The following CCDC186 variants were observed in gnomAD, a reference collection of about 807,000 sequenced individuals.
CCDC186 encodes the protein coiled-coil domain-containing protein 186.
A neutral mutation model predicts 113.7 loss-of-function variants in CCDC186; 49 were observed. That is an observed-to-expected ratio of 0.43 (90% CI 0.34 to 0.55). CCDC186 has a LOEUF of 0.55. Among genes scored for constraint, CCDC186 ranks in the 20% least tolerant of loss-of-function variants. The pLI is 0.02. For synonymous variants in CCDC186, 355 were observed against 345.8 expected, an observed-to-expected ratio of 1.03 and a Z score of -0.30; for missense variants, 890 against 1,011.1, an observed-to-expected ratio of 0.88 and a Z score of 1.62.
rs2030753909 is a variant in CCDC186, at chr10:114,122,386, T to C, written c.*2757A>G. Reference sequence around the variant, plus strand: ...GCCCAAACCTACCATTTTCAGTCCTTAAAACTAAACAGGCTAAAGTCTGAA... The same window carrying C: ...GCCCAAACCTACCATTTTCAGTCCTCAAAACTAAACAGGCTAAAGTCTGAA... On this transcript the variant is annotated 3_prime_UTR_variant, in exon 16 of 16. Transcript: ENST00000369287. 6.6e-6 allele frequency: 1 copy of C among 152,184 alleles called. No homozygotes were observed. Among genetic ancestry groups the C allele is most frequent in the Admixed American group, 6.5e-5 (1 of 15,280 alleles). 9.4% of individuals were successfully genotyped at this position (152,184 alleles called of 1,614,324 possible). A position where few individuals can be genotyped will look rare whatever the true frequency, so the allele number is the denominator to read the frequency against.
chr10:114,173,780 C>T (rs1341795429), intron 1 of CCDC186, among the ~76,000 whole-genome samples: 1 of 152,190 alleles, frequency 6.6e-6, no homozygotes, highest in Non-Finnish European at 1.5e-5. Context: ...TCCAAGGTCC[C>T]GGAACCGAAG....
intron 7 of CCDC186, among the ~76,000 whole-genome samples, chr10:114,136,889 C>T (rs753348345): frequency 2.9e-4 from 44 of 152,148 alleles, no homozygotes; most frequent in Non-Finnish European, 5.4e-4. Flanking sequence ...GAGACTGAGG[C>T]GGGTGGCTCC....
At chr10:114,136,739 AT>A (rs2031272941) in intron 7 of CCDC186, among the ~76,000 whole-genome samples, 1 of 152,236 alleles carries the variant, frequency 6.6e-6, no homozygotes, top group Non-Finnish European at 1.5e-5. Context: ...AACATTGGAA[AT>A]AACCTGCATT....
intron 6 of CCDC186, among the ~76,000 whole-genome samples, chr10:114,137,923 A>T (rs1347665822): frequency 4.0e-5 from 6 of 151,778 alleles, no homozygotes; most frequent in African/African-American, 1.5e-4. Context: ...GTAACCTCAG[A>T]TACTCAGGAA....
chr10:114,156,881 A>G (rs986098933), intron 3 of CCDC186, among the ~76,000 whole-genome samples: 2 of 152,204 alleles, frequency 1.3e-5, no homozygotes, highest in East Asian at 3.9e-4. Context: ...ATAAACTTAA[A>G]AACATCCTAA....
chr10:114,151,535 A>C (rs1419250687), intron 3 of CCDC186, among the ~76,000 whole-genome samples: 1 of 152,216 alleles, frequency 6.6e-6, no homozygotes, highest in Non-Finnish European at 1.5e-5. Flanking sequence ...CCCACAGTTC[A>C]AAAATATTAA....
chr10:114,161,407 T>A (rs931543926), intron 2 of CCDC186, among the ~76,000 whole-genome samples: 2 of 152,154 alleles, frequency 1.3e-5, no homozygotes, highest in Admixed American at 6.5e-5. Context: ...AGCATATACA[T>A]GTTTACTGCT....
intron 3 of CCDC186, among the ~76,000 whole-genome samples, chr10:114,157,209 G>C (rs2032036586): frequency 7.6e-6 from 1 of 131,178 alleles, no homozygotes; most frequent in Admixed American, 8.3e-5. Flanking sequence ...TTTGAGACAA[G>C]GTCTCACTCT....
chr10:114,164,901 T>TAGTAAATCAC (rs1398671201), intron 1 of CCDC186, among the ~76,000 whole-genome samples: 4 of 152,238 alleles, frequency 2.6e-5, no homozygotes, highest in African/African-American at 7.2e-5. Context: ...GAACAAATCA[T>TAGTAAATCAC]AGTAAATCAC....
rs778303388 is a variant in CCDC186, at chr10:114,122,375, T to C, written c.*2768A>G. On this transcript the variant is annotated 3_prime_UTR_variant, in exon 16 of 16. Transcript: ENST00000369287. ...TTCATTCTTCTGCCCAAACCTACCATTTTCAGTCCTTAAAACTAAACAGGC... is the reference window on the plus strand; with the variant it reads ...TTCATTCTTCTGCCCAAACCTACCACTTTCAGTCCTTAAAACTAAACAGGC... The C allele has an allele frequency of 1.3e-5, 2 of 152,160 alleles. No homozygotes were observed. Among genetic ancestry groups the C allele is most frequent in the Admixed American group, 6.5e-5 (1 of 15,274 alleles). The allele number at this position is 152,160 out of a possible 1,614,324, so 9.4% of individuals were successfully genotyped here. A position where few individuals can be genotyped will look rare whatever the true frequency, so the allele number is the denominator to read the frequency against.
chr10:114,131,202 A>G lies in CCDC186; in HGVS notation c.2046T>C (p.Thr682=). 1 of 1,595,942 alleles carries G rather than the reference A, an allele frequency of 6.3e-7. No individual in the cohort carries two copies. The highest frequency in any genetic ancestry group is 1.1e-5 in the South Asian group (1 of 87,900). The change falls in exon 12 of 16, where the codon ACT becomes ACC. Residue 682 remains threonine, a synonymous_variant. Coordinates refer to ENST00000369287, the MANE Select transcript of CCDC186 (RefSeq NM_018017.4). ...QVEELKDELV[T]QRRKHASSIK... is the part of the protein sequence containing the mutation. ...TACTAGAGGCATGTTTACGTCTCTG[A>G]GTTACTAACTCATCTTTTAATTCTT...
At chr10:114,128,131 T>C (rs1048936781) in intron 13 of CCDC186, among the ~76,000 whole-genome samples, 1 of 152,204 alleles carries the variant, frequency 6.6e-6, no homozygotes, top group African/African-American at 2.4e-5. Flanking sequence ...TGTGCCTTGG[T>C]TATGTCATCT....
At chr10:114,137,924 T>C (rs1283462345) in intron 6 of CCDC186, among the ~76,000 whole-genome samples, 2 of 151,524 alleles carry the variant, frequency 1.3e-5, no homozygotes, top group African/African-American at 4.9e-5. Flanking sequence ...TAACCTCAGA[T>C]ACTCAGGAAG....
intron 3 of CCDC186, among the ~76,000 whole-genome samples, chr10:114,154,628 C>T (rs924956909): frequency 1.3e-5 from 2 of 152,106 alleles, no homozygotes; most frequent in Non-Finnish European, 2.9e-5. Flanking sequence ...TTCTTTAAAA[C>T]AATTAAAGAA....
At chr10:114,131,363 C>T in intron 11 of CCDC186, 27 bp from the exon 12 acceptor site, 6 of 1,510,178 alleles carry the variant, frequency 4.0e-6, no homozygotes, top group Non-Finnish European at 5.3e-6. Flanking sequence ...ACAAAAACCA[C>T]CAATTTTAGT....
At position 114,145,586 on chromosome 10, in the gene CCDC186, T is replaced by G. The variant is rs552859699; in HGVS notation, c.1064A>C (p.Gln355Pro). Residue 355 changes from glutamine to proline, a missense_variant, in exon 5 of 16, where the codon CAG (glutamine) becomes CCG (proline). Transcript: ENST00000369287. Reference sequence around the variant, plus strand: ...CAGCTGGTGCAACCGTCCTTTCTCCTGAGAAAGCTGCTTAATTTTGTTAGT... The same window carrying G: ...CAGCTGGTGCAACCGTCCTTTCTCCGGAGAAAGCTGCTTAATTTTGTTAGT... ...KNTNKIKQLS[Q>P]EKGRLHQLYE... 1 of 1,612,002 alleles carries G rather than the reference T, an allele frequency of 6.2e-7. No homozygotes were observed. Among genetic ancestry groups the G allele is most frequent in the Non-Finnish European group, 8.5e-7 (1 of 1,179,756 alleles).
In CCDC186 at chr10:114,149,782, AAGGC is replaced by A. The variant is rs1242935388; in HGVS notation, c.888+1306_888+1309del. Among the ~76,000 whole-genome samples the A allele has an allele frequency of 1.6e-4, 10 of 62,636 alleles. 1 individual carries two copies. The highest frequency in any genetic ancestry group is 3.3e-4 in the Non-Finnish European group (9 of 27,402). The allele number at this position is 62,636 out of a possible 152,430, so 41.1% of individuals were successfully genotyped here. On this transcript the variant is annotated intron_variant, in intron 4 of 15. Coordinates refer to ENST00000369287, the MANE Select transcript of CCDC186 (RefSeq NM_018017.4). ...GAAGGAAGGAAGGAAGGAAGGCAGGAAGGCAGGAAGGAAGGAAGGAAGGAAGGAA... is the reference window on the plus strand; with the variant it reads ...GAAGGAAGGAAGGAAGGAAGGCAGGAAGGAAGGAAGGAAGGAAGGAAGGAA...
intron 4 of CCDC186, among the ~76,000 whole-genome samples, chr10:114,146,184 A>G (rs1447947116): frequency 6.6e-6 from 1 of 152,160 alleles, no homozygotes; most frequent in Non-Finnish European, 1.5e-5. Context: ...GCAGAGTGAG[A>G]TCTGGCTCCT....
At chr10:114,152,091 A>C (rs2031873814) in intron 3 of CCDC186, among the ~76,000 whole-genome samples, 1 of 152,216 alleles carries the variant, frequency 6.6e-6, no homozygotes, top group Non-Finnish European at 1.5e-5. Context: ...CTGTAATCCC[A>C]GCACTTTGGA....
Sources: gnomAD v4.1 joint callset for allele counts (sites outside exome capture counted in the v4.1 genomes callset) on GRCh38, gnomAD v4.1.1 for gene constraint, MANE v1.5 for transcripts, NCBI Gene and HGNC (gene_info 2026-07-23, HGNC 2026-07-21) for gene names.